The following FAF1 variants were observed in gnomAD, a reference collection of about 807,000 sequenced individuals.
The protein encoded by FAF1 is Fas associated factor 1.
In FAF1, 25 loss-of-function variants were observed where a neutral mutation model predicts 92.5. That is an observed-to-expected ratio of 0.27 (90% CI 0.20 to 0.38). FAF1 has a LOEUF of 0.38. FAF1 is among the 10% of genes least tolerant of loss of function. The pLI is 1.00. For synonymous variants in FAF1, 234 were observed against 273.2 expected, an observed-to-expected ratio of 0.86 and a Z score of 1.42; for missense variants, 636 against 793.3, an observed-to-expected ratio of 0.80 and a Z score of 2.38.
At chr1:50,831,756 G>A (rs1030478113) in intron 2 of FAF1, among the ~76,000 whole-genome samples, 8 of 141,540 alleles carry the variant, frequency 5.7e-5, no homozygotes, top group African/African-American at 2.1e-4. Context: ...ATTACATAAT[G>A]TTGGATTATG....
In FAF1 at chr1:50,916,850, G is replaced by A. The variant is rs150076617; in HGVS notation, c.45+42917C>T. ...GACAGTATCTATCCTATCCATTCAT[G>A]GATTAGAAGCAAAAGACAGAAATAA... On this transcript the variant is annotated intron_variant, in intron 1 of 18. Transcript: ENST00000396153. Among the ~76,000 whole-genome samples the A allele has an allele frequency of 4.2e-3, 634 of 152,274 alleles. 8 individuals carry two copies. The highest frequency in any genetic ancestry group is 0.014 in the African/African-American group (573 of 41,556).
intron 1 of FAF1, among the ~76,000 whole-genome samples, chr1:50,928,176 G>A (rs1645020571): frequency 6.6e-6 from 1 of 151,724 alleles, no homozygotes. Flanking sequence ...CACTTTTACT[G>A]CATGCTCTCT....
At chr1:50,674,532 C>A (rs574266441) in intron 7 of FAF1, among the ~76,000 whole-genome samples, 1 of 152,284 alleles carries the variant, frequency 6.6e-6, no homozygotes, top group South Asian at 2.1e-4. Flanking sequence ...ATCAAAGATA[C>A]CTTGCCTTCA....
At chr1:50,829,969 T>C (rs1172188952) in intron 2 of FAF1, among the ~76,000 whole-genome samples, 1 of 152,252 alleles carries the variant, frequency 6.6e-6, no homozygotes, top group Non-Finnish European at 1.5e-5. Flanking sequence ...CTAAACCTTG[T>C]TGTCTTGCTA....
At chr1:50,527,830 T>TCC (rs1647898753) in intron 15 of FAF1, among the ~76,000 whole-genome samples, 1 of 131,572 alleles carries the variant, frequency 7.6e-6, no homozygotes, top group Admixed American at 7.8e-5. Context: ...TCTCTCTCTC[T>TCC]CTCTCTCTCT....
intron 2 of FAF1, among the ~76,000 whole-genome samples, chr1:50,848,076 C>T (rs908648298): frequency 6.6e-6 from 1 of 152,022 alleles, no homozygotes; most frequent in Admixed American, 6.6e-5. Context: ...ATGTACTCTA[C>T]AAGAAATGCT....
rs141893480 is a variant in FAF1, at chr1:50,772,555, T to C, written c.367+15445A>G. Among the ~76,000 whole-genome samples, 19 of 152,230 alleles carry C rather than the reference T, an allele frequency of 1.2e-4. No homozygotes were observed. The East Asian group carries it at 1.5e-3, about 12-fold the overall frequency. ...TGAGATCATGTCCTCTGCAGCAATA[T>C]GGATGGAGCTGGAGGGCATTATTCT... On this transcript the variant is annotated intron_variant, in intron 4 of 18. Coordinates refer to ENST00000396153, the MANE Select transcript of FAF1 (RefSeq NM_007051.3).
intron 1 of FAF1, among the ~76,000 whole-genome samples, chr1:50,889,350 G>A (rs1320912388): frequency 1.3e-5 from 2 of 152,052 alleles, no homozygotes; most frequent in Non-Finnish European, 2.9e-5. Context: ...AGGGTTTTTT[G>A]TGTCTCTATC....
At chr1:50,882,935 G>C (rs929939753) in intron 1 of FAF1, among the ~76,000 whole-genome samples, 1 of 149,230 alleles carries the variant, frequency 6.7e-6, no homozygotes, top group African/African-American at 2.5e-5. Context: ...AGTAAGCCGA[G>C]ATTGCGCCAC....
chr1:50,555,478 A>G (rs760492625), intron 13 of FAF1, among the ~76,000 whole-genome samples: 4 of 152,196 alleles, frequency 2.6e-5, no homozygotes, highest in Non-Finnish European at 5.9e-5. Flanking sequence ...TCAAAAGAAG[A>G]TGTACAAATG....
chr1:50,467,908 A>G (rs529504511), intron 18 of FAF1, among the ~76,000 whole-genome samples: 1 of 152,200 alleles, frequency 6.6e-6, no homozygotes, highest in Non-Finnish European at 1.5e-5. Context: ...ATGAATACAT[A>G]TATCAAAATA....
In FAF1 at chr1:50,554,765, T is replaced by A. The variant is rs530177177; in HGVS notation, c.1268+12312A>T. On this transcript the variant is annotated intron_variant, in intron 13 of 18. Coordinates refer to ENST00000396153, the MANE Select transcript of FAF1 (RefSeq NM_007051.3). Reference sequence around the variant, plus strand: ...CACATTTTTCTACTGAAAACAACTGTATCCAAGTCAGAATATTACAGACAA... The same window carrying A: ...CACATTTTTCTACTGAAAACAACTGAATCCAAGTCAGAATATTACAGACAA... Among the ~76,000 whole-genome samples, 5 of 152,248 alleles carry A rather than the reference T, an allele frequency of 3.3e-5. No homozygotes were observed. In the South Asian group the frequency reaches 1.0e-3, roughly 32 times the overall value.
In FAF1 at chr1:50,691,665, T is replaced by C. The variant is rs534222912; in HGVS notation, c.657+14121A>G. 2.0e-5 allele frequency among the ~76,000 whole-genome samples: 3 copies of C among 151,434 alleles called. No homozygotes were observed. The South Asian group carries it at 6.3e-4, about 32-fold the overall frequency. On this transcript the variant is annotated intron_variant, in intron 7 of 18. Coordinates refer to ENST00000396153, the MANE Select transcript of FAF1 (RefSeq NM_007051.3). ...GGAGTGCAATGGCGCGATCTCGGCT[T>C]ACGCAACCTCCACCTCCCGGGTTCA...
intron 7 of FAF1, among the ~76,000 whole-genome samples, chr1:50,677,794 C>T (rs368506601): frequency 1.3e-4 from 19 of 149,044 alleles, no homozygotes; most frequent in African/African-American, 4.0e-4. Context: ...ACTCAGGAGG[C>T]TGAGGCAGGA....
intron 1 of FAF1, among the ~76,000 whole-genome samples, chr1:50,937,700 A>G: frequency 6.6e-6 from 1 of 152,176 alleles, no homozygotes; most frequent in East Asian, 1.9e-4. Flanking sequence ...CACTGGAGCC[A>G]AGTTCTATAT....
chr1:50,930,231 CTTTT>C (rs1645037557), intron 1 of FAF1, among the ~76,000 whole-genome samples: 1 of 152,112 alleles, frequency 6.6e-6, no homozygotes, highest in African/African-American at 2.4e-5. Flanking sequence ...CATCTTGGTT[CTTTT>C]GTTTTAAAGA....
intron 3 of FAF1, among the ~76,000 whole-genome samples, chr1:50,793,492 T>C (rs1317434909): frequency 6.6e-6 from 1 of 152,168 alleles, no homozygotes; most frequent in Non-Finnish European, 1.5e-5. Context: ...CTGCAGTTAT[T>C]TCCCTAGGCC....
intron 15 of FAF1, among the ~76,000 whole-genome samples, chr1:50,512,795 G>C (rs980867594): frequency 1.2e-4 from 18 of 152,296 alleles, no homozygotes; most frequent in African/African-American, 4.3e-4. Context: ...GCTAGATGGG[G>C]ATAGCATTGA....
chr1:50,722,299 G>A (rs1658442230), intron 6 of FAF1, among the ~76,000 whole-genome samples: 1 of 152,258 alleles, frequency 6.6e-6, no homozygotes, highest in East Asian at 1.9e-4. Flanking sequence ...AGCAACCTGT[G>A]AGTTGGTTAA....
Sources: allele counts gnomAD v4.1 joint callset (sites outside exome capture counted in the v4.1 genomes callset), GRCh38; gene constraint gnomAD v4.1.1; transcripts MANE v1.5; gene names NCBI Gene and HGNC (gene_info 2026-07-23, HGNC 2026-07-21).